SUPT5H: variants seen among roughly 807,000 people sequenced by gnomAD.
SUPT5H encodes the protein transcription elongation factor SPT5.
Under a neutral mutation model 142.5 loss-of-function variants are expected in SUPT5H, and 24 were observed. The observed-to-expected ratio is 0.17, with a 90% CI of 0.12 to 0.24. The LOEUF (loss-of-function observed/expected upper bound fraction) is 0.24. Ranked by LOEUF, SUPT5H falls within the 10% of genes least tolerant of loss-of-function variation. The pLI is 1.00. For synonymous variants in SUPT5H, 546 were observed against 553.0 expected, an observed-to-expected ratio of 0.99 and a Z score of 0.18; for missense variants, 893 against 1,471.8, an observed-to-expected ratio of 0.61 and a Z score of 6.43.
At chr19:39,450,557 T>C (rs1316687047) in intron 2 of SUPT5H, among the ~76,000 whole-genome samples, 7 of 152,066 alleles carry the variant, frequency 4.6e-5, no homozygotes. Flanking sequence ...TCCTGAATGG[T>C]GGGGAACGGG....
chr19:39,475,125 A>G (rs2079383858), intron 28 of SUPT5H: 1 of 215,320 alleles, frequency 4.6e-6, no homozygotes, highest in Non-Finnish European at 9.4e-6. Flanking sequence ...CACACCTGTA[A>G]TCCCAGCACT....
At position 39,474,457 on chromosome 19, in the gene SUPT5H, T is replaced by C; in HGVS notation, c.2820+55T>C. 1 of 1,611,168 alleles carries C rather than the reference T, an allele frequency of 6.2e-7. No individual in the cohort carries two copies. The highest frequency in any genetic ancestry group is 1.3e-5 in the African/African-American group (1 of 74,948). On this transcript the variant is annotated intron_variant, in intron 27 of 29. Coordinates refer to ENST00000432763, the MANE Select transcript of SUPT5H (RefSeq NM_001111020.3). The surrounding 1 kb of genome is among the most constrained non-coding windows in gnomAD (Gnocchi z 6.5). ...TGGTGGGCTAGGGTGACTTTGGGCATATAGGGTCGGCCAGGCCAGATGACT... is the reference window on the plus strand; with the variant it reads ...TGGTGGGCTAGGGTGACTTTGGGCACATAGGGTCGGCCAGGCCAGATGACT...
chr19:39,449,593 C>T (rs943090519), intron 2 of SUPT5H, among the ~76,000 whole-genome samples: 1 of 150,598 alleles, frequency 6.6e-6, no homozygotes, highest in African/African-American at 2.4e-5. Context: ...GTGCCTGACT[C>T]TGCCTGGGGG....
In SUPT5H at chr19:39,446,271, G is replaced by A. The variant is rs574332196; in HGVS notation, c.75+306G>A. On this transcript the variant is annotated intron_variant, in intron 2 of 29. Coordinates refer to ENST00000432763, the MANE Select transcript of SUPT5H (RefSeq NM_001111020.3). Reference sequence around the variant, plus strand: ...GTCTAGTCATTCCATAACTATATTTGTAGTGCCTACTATGTACCAGGCGCA... The same window carrying A: ...GTCTAGTCATTCCATAACTATATTTATAGTGCCTACTATGTACCAGGCGCA... Among the ~76,000 whole-genome samples, 5 of 151,884 alleles carry A rather than the reference G, an allele frequency of 3.3e-5. No individual in the cohort carries two copies. The East Asian group carries it at 9.7e-4, about 29-fold the overall frequency.
At chr19:39,455,860 A>T (rs936038515) in intron 3 of SUPT5H, among the ~76,000 whole-genome samples, 3 of 136,282 alleles carry the variant, frequency 2.2e-5, no homozygotes, top group Non-Finnish European at 3.1e-5. Flanking sequence ...TGACCTCATG[A>T]TCCACCCACC....
At chr19:39,450,741 C>G (rs1339480804) in intron 2 of SUPT5H, among the ~76,000 whole-genome samples, 3 of 152,190 alleles carry the variant, frequency 2.0e-5, no homozygotes, top group Admixed American at 1.3e-4. Context: ...CCTTAAGCTA[C>G]ATTGAATCAT....
intron 2 of SUPT5H, 28 bp from the exon 3 acceptor site, chr19:39,453,328 G>T (rs1231039988): frequency 3.2e-6 from 5 of 1,558,598 alleles, no homozygotes; most frequent in Non-Finnish European, 4.3e-6. Context: ...CAGAATTCTG[G>T]TGCTACAACC....
rs969681415 is a variant in SUPT5H at position 39,472,049 on chromosome 19, A to G, written c.1950+319A>G. Among the ~76,000 whole-genome samples the G allele has an allele frequency of 2.0e-5, 3 of 152,242 alleles. No homozygotes were observed. Among genetic ancestry groups the G allele is most frequent in the African/African-American group, 7.2e-5 (3 of 41,468 alleles). On this transcript the variant is annotated intron_variant, in intron 20 of 29. Transcript: ENST00000432763. The surrounding 1 kb of genome is among the most constrained non-coding windows in gnomAD (Gnocchi z 4.2). ...GTGGACAGACAGATAAACCCATCGT[A>G]CAGCTTGAGGTGATAGCAAGCGCTG...
In SUPT5H at chr19:39,470,573, G is replaced by A. The variant is rs1479066550; in HGVS notation, c.1677+50G>A. On this transcript the variant is annotated intron_variant, in intron 18 of 29. Transcript: ENST00000432763. The surrounding 1 kb of genome is among the most constrained non-coding windows in gnomAD (Gnocchi z 5.8). ...GGGACTTGCTTTTAGGAGGCTTCCT[G>A]TCCCTCAACCCCTCATCCTGGGAGG... 1.4e-6 allele frequency: 2 copies of A among 1,471,276 alleles called. No homozygotes were observed. Among genetic ancestry groups the A allele is most frequent in the Admixed American group, 2.4e-5 (1 of 41,886 alleles). The allele number at this position is 1,471,276 out of a possible 1,614,324, so 91.1% of individuals were successfully genotyped here. A position where few individuals can be genotyped will look rare whatever the true frequency, so the allele number is the denominator to read the frequency against.
chr19:39,459,429 C>T (rs1456063582), intron 8 of SUPT5H, 130 bp from the exon 9 acceptor site: 17 of 1,363,814 alleles, frequency 1.2e-5, no homozygotes, highest in African/African-American at 2.9e-5. Flanking sequence ...TGGGTAGAAG[C>T]GTGGGGAAGT....
In SUPT5H at chr19:39,459,894, T is replaced by A; in HGVS notation, c.558T>A (p.Ile186=). 1 of 1,614,108 alleles carries A rather than the reference T, an allele frequency of 6.2e-7. No individual in the cohort carries two copies. Among genetic ancestry groups the A allele is most frequent in the Non-Finnish European group, 8.5e-7 (1 of 1,180,024 alleles). ...CAAATCTGCCTCTCATCTTCCAGAT[T>A]GGGGAGGAACGGGCCACGGCCATTT... ...DPNLWTVKCK[I]GEERATAISL... Residue 186 remains isoleucine (I), a splice_region_variant and synonymous_variant, in exon 10 of 30, where the codon ATT becomes ATA. Transcript: ENST00000432763.
At position 39,473,815 on chromosome 19, in the gene SUPT5H, G is replaced by C; in HGVS notation, c.2493-148G>C. ...CTCTGTCAACCACAGTGTCAGCTGT[G>C]GAAGGGAAATAACATCAGGAGTGCC... On this transcript the variant is annotated intron_variant, in intron 25 of 29. Transcript: ENST00000432763. This position sits in a 1 kb window ranked among gnomAD's most constrained non-coding sequence, Gnocchi z 5.8. 1 of 1,156,066 alleles carries C rather than the reference G, an allele frequency of 8.7e-7. No individual in the cohort carries two copies. Among genetic ancestry groups the C allele is most frequent in the Admixed American group, 1.8e-5 (1 of 54,986 alleles). 71.6% of individuals were successfully genotyped at this position (1,156,066 alleles called of 1,614,324 possible). A position where few individuals can be genotyped will look rare whatever the true frequency, so the allele number is the denominator to read the frequency against.
At chr19:39,460,017 A>G (rs962213925) in intron 10 of SUPT5H, 57 bp downstream of exon 10, 2 of 1,573,072 alleles carry the variant, frequency 1.3e-6, no homozygotes, top group Non-Finnish European at 1.7e-6. Context: ...CAGAGGGAAG[A>G]ACATTGTCAA....
chr19:39,459,412 T>G, intron 8 of SUPT5H, 147 bp from the exon 9 acceptor site: 1 of 1,325,738 alleles, frequency 7.5e-7, no homozygotes, highest in Non-Finnish European at 1.1e-6. Flanking sequence ...CTCTTTCCTC[T>G]TGCTCCTGGG....
Position 39,470,387 on chromosome 19 carries a change from TC to T in SUPT5H, c.1546del (p.Arg516GlyfsTer38). ...CACCATCCCTGGCAGCTGAAGGTGC[TC>T]CCCCGGGACCTGCAGCTCTGCTCAG... ...SDLTMHELKVLPRDLQLCSET... is the reference protein window; with the variant it reads ...SDLTMHELKVXPRDLQLCSET... On this transcript the variant is annotated frameshift_variant, in exon 18 of 30. Transcript: ENST00000432763. LOFTEE classifies it high-confidence loss of function. This position sits in a 1 kb window ranked among gnomAD's most constrained non-coding sequence, Gnocchi z 5.8. 1.9e-6 allele frequency: 3 copies of T among 1,569,592 alleles called. No individual in the cohort carries two copies. Among genetic ancestry groups the T allele is most frequent in the East Asian group, 2.3e-5 (1 of 43,828 alleles).
Position 39,445,622 on chromosome 19 carries a change from AG to A in SUPT5H, c.-101del, listed in dbSNP as rs1335212984. On this transcript the variant is annotated 5_prime_UTR_variant, in exon 1 of 30. Coordinates refer to ENST00000432763, the MANE Select transcript of SUPT5H (RefSeq NM_001111020.3). ...GAACAGCAGCTGGTACCGAAGGCGG[AG>A]GTGGAGCCCGAGAGGTAAGTGCGTG... 4.3e-6 allele frequency: 2 copies of A among 459,848 alleles called. No individual in the cohort carries two copies. Among genetic ancestry groups the A allele is most frequent in the Non-Finnish European group, 8.0e-6 (2 of 249,664 alleles). 28.5% of individuals were successfully genotyped at this position (459,848 alleles called of 1,614,324 possible). A position where few individuals can be genotyped will look rare whatever the true frequency, so the allele number is the denominator to read the frequency against.
chr19:39,469,958 G>C lies in SUPT5H; in HGVS notation c.1375-161G>C, dbSNP rs1412810558. 9 of 926,634 alleles carry C rather than the reference G, an allele frequency of 9.7e-6. No homozygotes were observed. Among genetic ancestry groups the C allele is most frequent in the Non-Finnish European group, 1.4e-5 (9 of 621,482 alleles). 57.4% of individuals were successfully genotyped at this position (926,634 alleles called of 1,614,324 possible). A position where few individuals can be genotyped will look rare whatever the true frequency, so the allele number is the denominator to read the frequency against. Reference sequence around the variant, plus strand: ...TCTGGGGTCAGCTGTTTCTGGGGCAGTCTGAGGGGTCGTCCAGGTGGACTA... The same window carrying C: ...TCTGGGGTCAGCTGTTTCTGGGGCACTCTGAGGGGTCGTCCAGGTGGACTA... On this transcript the variant is annotated intron_variant, in intron 16 of 29. Transcript: ENST00000432763. The surrounding 1 kb of genome is among the most constrained non-coding windows in gnomAD (Gnocchi z 5.1).
rs1398603717 is a variant in SUPT5H, at chr19:39,445,632, C to G, written c.-93C>G. On this transcript the variant is annotated 5_prime_UTR_variant, in exon 1 of 30. Coordinates refer to ENST00000432763, the MANE Select transcript of SUPT5H (RefSeq NM_001111020.3). ...TGGTACCGAAGGCGGAGGTGGAGCCCGAGAGGTAAGTGCGTGTGCAGAGGT... is the reference window on the plus strand; with the variant it reads ...TGGTACCGAAGGCGGAGGTGGAGCCGGAGAGGTAAGTGCGTGTGCAGAGGT... 2 of 483,720 alleles carry G rather than the reference C, an allele frequency of 4.1e-6. No homozygotes were observed. Among genetic ancestry groups the G allele is most frequent in the African/African-American group, 3.8e-5 (2 of 51,992 alleles). 30.0% of individuals were successfully genotyped at this position (483,720 alleles called of 1,614,324 possible).
rs200314149 is a variant in SUPT5H, at chr19:39,466,595, G to C, written c.966+26G>C. 285 of 1,568,498 alleles carry C rather than the reference G, an allele frequency of 1.8e-4. 2 individuals carry two copies. The highest frequency in any genetic ancestry group is 5.2e-4 in the Admixed American group (29 of 55,952). On this transcript the variant is annotated intron_variant, in intron 12 of 29. Transcript: ENST00000432763. The surrounding 1 kb of genome is among the most constrained non-coding windows in gnomAD (Gnocchi z 4.3). ...GTACTCAGGGGAATCTGTGGCCTGG[G>C]GGGGAGGGAGTGTGCTCGATCCCAC...
Sources: allele counts gnomAD v4.1 joint callset (sites outside exome capture counted in the v4.1 genomes callset), GRCh38; gene constraint gnomAD v4.1.1; non-coding constraint Gnocchi (gnomAD v3.1); transcripts MANE v1.5; gene names NCBI Gene and HGNC (gene_info 2026-07-23, HGNC 2026-07-21).